The following MAMLD1 variants were observed in gnomAD, a reference collection of about 807,000 sequenced individuals.
The protein encoded by MAMLD1 is mastermind like domain containing 1.
Under a neutral mutation model 45.0 loss-of-function variants are expected in MAMLD1, and 14 were observed. The observed-to-expected ratio is 0.31, with a 90% CI of 0.21 to 0.49. The LOEUF (loss-of-function observed/expected upper bound fraction) is 0.49, where lower values mean the gene tolerates loss of function less well. Ranked by LOEUF, MAMLD1 falls within the 20% of genes least tolerant of loss-of-function variation. MAMLD1 has a pLI of 0.99. For missense variants in MAMLD1, 543 were observed against 603.6 expected (o/e 0.90, Z 1.05); for synonymous variants, 254 against 247.8 (o/e 1.02, Z -0.24).
At chrX:150,441,031 TTAATAA>T (rs1236248266) in intron 1 of MAMLD1, among the ~76,000 whole-genome samples, 7 of 104,766 alleles carry the variant, frequency 6.7e-5, no homozygotes, top group Admixed American at 3.2e-4. Flanking sequence ...AATTTAATAA[TTAATAA>T]TAATAAAAAT....
At chrX:150,414,825 T>C (rs1218341011) in intron 1 of MAMLD1, among the ~76,000 whole-genome samples, 1 of 112,075 alleles carries the variant, frequency 8.9e-6, no homozygotes, top group Non-Finnish European at 1.9e-5. Context: ...TACCATCATC[T>C]CAGGCTGCTC....
intron 1 of MAMLD1, among the ~76,000 whole-genome samples, chrX:150,372,858 T>C (rs962227787): frequency 2.7e-5 from 3 of 111,981 alleles, no homozygotes; most frequent in African/African-American, 9.8e-5. Flanking sequence ...GGAGTGTCAC[T>C]GCACTAATCC....
intron 1 of MAMLD1, among the ~76,000 whole-genome samples, chrX:150,380,628 C>A (rs1458031134): frequency 1.8e-5 from 2 of 111,732 alleles, no homozygotes; most frequent in African/African-American, 6.5e-5. Context: ...ACCAAATTTT[C>A]TTCCAGTATT....
At chrX:150,458,140 A>T (rs1557405438) in intron 2 of MAMLD1, among the ~76,000 whole-genome samples, 1 of 110,982 alleles carries the variant, frequency 9.0e-6, no homozygotes, top group Non-Finnish European at 1.9e-5. Flanking sequence ...CAGGAGCTAA[A>T]ATGTGCTTAT....
intron 3 of MAMLD1, among the ~76,000 whole-genome samples, chrX:150,468,049 G>A (rs1217640400): frequency 1.8e-5 from 2 of 112,268 alleles, no homozygotes; most frequent in African/African-American, 3.2e-5. Context: ...CCTATGCCAC[G>A]CTGCCTCCAC....
intron 1 of MAMLD1, among the ~76,000 whole-genome samples, chrX:150,380,310 C>A: frequency 9.0e-6 from 1 of 111,202 alleles, no homozygotes; most frequent in Middle Eastern, 4.7e-3. Flanking sequence ...GCTTAAGAGC[C>A]CTTTTGATAT....
At chrX:150,380,040 T>G (rs2032525594) in intron 1 of MAMLD1, among the ~76,000 whole-genome samples, 1 of 112,444 alleles carries the variant, frequency 8.9e-6, no homozygotes, top group Non-Finnish European at 1.9e-5. Flanking sequence ...AGAGTACATT[T>G]CTATAAGTGG....
chrX:150,452,722 A>G (rs1213934217), intron 2 of MAMLD1, among the ~76,000 whole-genome samples: 1 of 106,139 alleles, frequency 9.4e-6, no homozygotes, highest in African/African-American at 3.4e-5. Context: ...ATCTAGCATT[A>G]GGTATATCTC....
At chrX:150,465,942 G>A (rs1423693582) in intron 3 of MAMLD1, among the ~76,000 whole-genome samples, 1 of 112,380 alleles carries the variant, frequency 8.9e-6, no homozygotes, top group Non-Finnish European at 1.9e-5. Flanking sequence ...TCATTCCGGA[G>A]CAGTGAGCTA....
At chrX:150,382,137 G>A (rs1557401700) in intron 1 of MAMLD1, among the ~76,000 whole-genome samples, 3 of 110,957 alleles carry the variant, frequency 2.7e-5, no homozygotes, top group African/African-American at 9.8e-5. Flanking sequence ...GGCCATAATC[G>A]ATTTTGAGTT....
rs1381503760 is a variant in MAMLD1 at position 150,386,403 on chromosome X, G to A, written c.-64+22873G>A. 2.7e-5 allele frequency among the ~76,000 whole-genome samples: 3 copies of A among 110,858 alleles called. No homozygotes were observed. The Admixed American group carries it at 2.9e-4, about 11-fold the overall frequency. On this transcript the variant is annotated intron_variant, in intron 1 of 7. Coordinates refer to ENST00000370401, the MANE Select transcript of MAMLD1 (RefSeq NM_005491.5). ...AGTCCTTATGACCCCCTGATCTAAG[G>A]CTGAATTAGAATTGTGTTTGGGGGC...
chrX:150,392,356 T>C (rs958371818), intron 1 of MAMLD1, among the ~76,000 whole-genome samples: 10 of 111,103 alleles, frequency 9.0e-5, no homozygotes, highest in African/African-American at 3.0e-4. Flanking sequence ...GGGGTGGAAG[T>C]AAAGGTTTCC....
At chrX:150,399,174 G>T (rs1603236764) in intron 1 of MAMLD1, among the ~76,000 whole-genome samples, 1 of 111,906 alleles carries the variant, frequency 8.9e-6, no homozygotes, top group Admixed American at 9.5e-5. Flanking sequence ...CCCCTGGGAG[G>T]TGGCTGTGGC....
At chrX:150,439,264 G>A (rs1557404408) in intron 1 of MAMLD1, among the ~76,000 whole-genome samples, 1 of 111,786 alleles carries the variant, frequency 8.9e-6, no homozygotes, top group Non-Finnish European at 1.9e-5. Flanking sequence ...CATATGATTT[G>A]CAAATGTTTT....
chrX:150,415,334 A>C (rs1252725781), intron 1 of MAMLD1, among the ~76,000 whole-genome samples: 1 of 112,995 alleles, frequency 8.8e-6, no homozygotes, highest in African/African-American at 3.2e-5. Flanking sequence ...ATAAACCGCC[A>C]GAGGCATCTT....
At chrX:150,510,462 T>C (rs1456794059) in intron 7 of MAMLD1, among the ~76,000 whole-genome samples, 16 of 111,636 alleles carry the variant, frequency 1.4e-4, no homozygotes, top group African/African-American at 5.2e-4. Context: ...CTGTCAGGTA[T>C]AGGGAATGGA....
intron 1 of MAMLD1, among the ~76,000 whole-genome samples, chrX:150,438,878 G>A (rs1268478189): frequency 1.8e-5 from 2 of 111,978 alleles, no homozygotes; most frequent in African/African-American, 6.5e-5. Context: ...TGGAATTGTG[G>A]GGTCAAATGG....
At chrX:150,510,228 G>A (rs953487986) in intron 7 of MAMLD1, among the ~76,000 whole-genome samples, 182 bp downstream of exon 7, 17 of 111,923 alleles carry the variant, frequency 1.5e-4, no homozygotes, top group Non-Finnish European at 2.6e-4. Flanking sequence ...TTGAAGGCCT[G>A]GTCTAAATGA....
chrX:150,482,028 G>GAA (rs1407607926), intron 5 of MAMLD1, among the ~76,000 whole-genome samples: 3 of 104,830 alleles, frequency 2.9e-5, no homozygotes, highest in South Asian at 4.4e-4. Context: ...AAGAAAGAAA[G>GAA]AAAGAATTGA....
Sources: gnomAD v4.1 joint callset for allele counts (sites outside exome capture counted in the v4.1 genomes callset) on GRCh38, gnomAD v4.1.1 for gene constraint, MANE v1.5 for transcripts, NCBI Gene and HGNC (gene_info 2026-07-23, HGNC 2026-07-21) for gene names.